CTNNBL1: variants seen among roughly 807,000 people sequenced by gnomAD.
CTNNBL1 encodes the protein catenin beta like 1.
In CTNNBL1, 31 loss-of-function variants were observed where a neutral mutation model predicts 72.7. The ratio of observed to expected loss-of-function variants is 0.43; its 90% CI spans 0.32 to 0.58. CTNNBL1 has a LOEUF of 0.58. Among genes scored for constraint, CTNNBL1 ranks in the 20% least tolerant of loss-of-function variants. The pLI is 0.08. For synonymous variants in CTNNBL1, 240 were observed against 267.3 expected, an observed-to-expected ratio of 0.90 and a Z score of 1.00; for missense variants, 534 against 725.1, an observed-to-expected ratio of 0.74 and a Z score of 3.03.
intron 15 of CTNNBL1, among the ~76,000 whole-genome samples, chr20:37,871,335 G>C (rs898147619): frequency 3.3e-5 from 5 of 152,270 alleles, no homozygotes; most frequent in Admixed American, 6.5e-5. Flanking sequence ...CTGAGACTGG[G>C]TAATTTATGA....
At chr20:37,784,792 A>C (rs181420535) in intron 10 of CTNNBL1, among the ~76,000 whole-genome samples, 51 of 152,284 alleles carry the variant, frequency 3.3e-4, no homozygotes, top group Middle Eastern at 6.8e-3. Context: ...CAGTGTTATA[A>C]TATTCTGTGT....
At chr20:37,712,464 T>C (rs2072946555) in intron 1 of CTNNBL1, among the ~76,000 whole-genome samples, 1 of 152,200 alleles carries the variant, frequency 6.6e-6, no homozygotes, top group Admixed American at 6.5e-5. Context: ...CCATGTCTGG[T>C]TTTACATTAC....
chr20:37,857,176 C>A (rs1268115046), intron 13 of CTNNBL1, among the ~76,000 whole-genome samples: 7 of 152,196 alleles, frequency 4.6e-5, no homozygotes, highest in African/African-American at 1.7e-4. Context: ...TGATTATGAG[C>A]AAATGAGAAA....
In CTNNBL1 at chr20:37,732,903, C is replaced by T. The variant is rs112045085; in HGVS notation, c.55C>T (p.Arg19Trp). 15 of 1,613,684 alleles carry T rather than the reference C, an allele frequency of 9.3e-6. No homozygotes were observed. Among genetic ancestry groups the T allele is most frequent in the South Asian group, 2.2e-5 (2 of 91,030 alleles). ...YQPNRGTKRP[R>W]DDEEEEQKMR... ...GCCCAATAGGGGCACAAAACGTCCC[C>T]GGGATGATGAAGAGGAGGAGCAGAA... The change falls in exon 2 of 16, where the codon CGG becomes TGG. Residue 19 changes from arginine to tryptophan, a missense_variant. Physicochemically the swap from Arg to Trp is moderately radical, Grantham distance 101. Coordinates refer to ENST00000361383, the MANE Select transcript of CTNNBL1 (RefSeq NM_030877.5).
chr20:37,740,227 A>G (rs1376508472), intron 3 of CTNNBL1, among the ~76,000 whole-genome samples: 4 of 152,202 alleles, frequency 2.6e-5, no homozygotes, highest in Non-Finnish European at 5.9e-5. Context: ...CAGTTAGGAA[A>G]CTACATTGTG....
At chr20:37,861,058 T>C (rs1330595223) in intron 15 of CTNNBL1, among the ~76,000 whole-genome samples, 2 of 152,200 alleles carry the variant, frequency 1.3e-5, no homozygotes, top group Non-Finnish European at 2.9e-5. Flanking sequence ...CTGTAGTGAA[T>C]TGAAGCAATG....
At chr20:37,808,619 T>G (rs1382079859) in intron 11 of CTNNBL1, among the ~76,000 whole-genome samples, 1 of 152,154 alleles carries the variant, frequency 6.6e-6, no homozygotes, top group African/African-American at 2.4e-5. Flanking sequence ...CCCTCAGGCA[T>G]TCGTTTTTGA....
chr20:37,796,883 C>G (rs1284393479), intron 10 of CTNNBL1, among the ~76,000 whole-genome samples: 1 of 152,174 alleles, frequency 6.6e-6, no homozygotes, highest in African/African-American at 2.4e-5. Flanking sequence ...AACTTCTCCT[C>G]TGAAGTGCAC....
intron 10 of CTNNBL1, among the ~76,000 whole-genome samples, chr20:37,780,285 A>G: frequency 6.6e-6 from 1 of 152,302 alleles, no homozygotes. Context: ...TATATTTGTT[A>G]AATAGAATTT....
At chr20:37,759,738 T>C (rs2073398139) in intron 5 of CTNNBL1, among the ~76,000 whole-genome samples, 1 of 152,244 alleles carries the variant, frequency 6.6e-6, no homozygotes, top group Non-Finnish European at 1.5e-5. Flanking sequence ...GATTATTTGC[T>C]TGTCTGCAAC....
At chr20:37,851,697 A>G (rs1262931442) in intron 13 of CTNNBL1, among the ~76,000 whole-genome samples, 1 of 152,202 alleles carries the variant, frequency 6.6e-6, no homozygotes, top group East Asian at 1.9e-4. Flanking sequence ...TCAGTTTCCC[A>G]TTTGAAAAGT....
chr20:37,842,363 T>A lies in CTNNBL1; in HGVS notation c.1336T>A (p.Phe446Ile). The part of the protein sequence containing the change: ...EKVDRLMELH[F>I]KYLGAMQVAD... The stretch of plus-strand genomic sequence containing the variant: ...GGTTGACAGACTAATGGAGTTGCAT[T>A]TTAAATATCTGGGTGCAATGCAGGT... The change falls in exon 13 of 16, where the codon TTT becomes ATT. Residue 446 changes from phenylalanine (F) to isoleucine (I), a missense_variant. Phe to Ile is a conservative substitution (Grantham distance 21). Transcript: ENST00000361383. 6.2e-7 allele frequency: 1 copy of A among 1,613,810 alleles called. No individual in the cohort carries two copies. Among genetic ancestry groups the A allele is most frequent in the Non-Finnish European group, 8.5e-7 (1 of 1,179,716 alleles).
chr20:37,831,166 A>G (rs2072206060), intron 11 of CTNNBL1, among the ~76,000 whole-genome samples: 1 of 152,158 alleles, frequency 6.6e-6, no homozygotes, highest in South Asian at 2.1e-4. Context: ...CATCTCTCCC[A>G]GAGTCTTGGA....
rs1415191903 is a variant in CTNNBL1 at position 37,861,907 on chromosome 20, A to T, written c.1603+1563A>T. On this transcript the variant is annotated intron_variant, in intron 15 of 15. Transcript: ENST00000361383. ...AATCCTGTGGGAAGCCTTGTGAGAG[A>T]GGTGGCATTGAGCTGGTCTGAGAGG... Among the ~76,000 whole-genome samples, 4 of 152,182 alleles carry T rather than the reference A, an allele frequency of 2.6e-5. No individual in the cohort carries two copies. In the South Asian group the frequency reaches 8.3e-4, roughly 32 times the overall value.
chr20:37,837,788 A>G (rs1236526699), intron 11 of CTNNBL1, among the ~76,000 whole-genome samples: 1 of 152,234 alleles, frequency 6.6e-6, no homozygotes, highest in Non-Finnish European at 1.5e-5. Context: ...TTCATTCAGC[A>G]AGTATTCCCA....
At chr20:37,714,813 AGTGCTTTTTTTGGGTTAG>A (rs1332184034) in intron 1 of CTNNBL1, among the ~76,000 whole-genome samples, 4 of 152,066 alleles carry the variant, frequency 2.6e-5, no homozygotes, top group African/African-American at 7.2e-5. Context: ...ACATTTATTG[AGTGCTTTTTTTGGGTTAG>A]GTGCTTCCAC....
intron 13 of CTNNBL1, among the ~76,000 whole-genome samples, chr20:37,854,450 A>G (rs1487652160): frequency 6.6e-6 from 1 of 151,990 alleles, no homozygotes; most frequent in African/African-American, 2.4e-5. Flanking sequence ...AGCATGGACT[A>G]GGGTTTGAGT....
Position 37,826,975 on chromosome 20 carries a change from TTC to T in CTNNBL1, c.1214-13122_1214-13121del, listed in dbSNP as rs548777908. ...AGAACGTTCCCACCACCCCAGAGCA[TTC>T]TCTCATGCCCCTTCCTGGGCAGATC... On this transcript the variant is annotated intron_variant, in intron 11 of 15. Coordinates refer to ENST00000361383, the MANE Select transcript of CTNNBL1 (RefSeq NM_030877.5). 3.0e-4 allele frequency among the ~76,000 whole-genome samples: 45 copies of T among 152,342 alleles called. 1 individual carries two copies. The highest frequency in any genetic ancestry group is 2.9e-3 in the Admixed American group (45 of 15,302).
At chr20:37,856,626 C>T (rs73904793) in intron 13 of CTNNBL1, among the ~76,000 whole-genome samples, 87 of 150,654 alleles carry the variant, frequency 5.8e-4, no homozygotes, top group African/African-American at 2.1e-3. Context: ...CCTCACACAA[C>T]GCGAAGACCA....
Sources: allele counts gnomAD v4.1 joint callset (sites outside exome capture counted in the v4.1 genomes callset), GRCh38; gene constraint gnomAD v4.1.1; transcripts MANE v1.5; gene names NCBI Gene and HGNC (gene_info 2026-07-23, HGNC 2026-07-21).